The following CHDH variants were observed in gnomAD, a reference collection of about 807,000 sequenced individuals.
CHDH encodes the protein choline dehydrogenase, mitochondrial.
In CHDH, 43 loss-of-function variants were observed where a neutral mutation model predicts 56.9. That is an observed-to-expected ratio of 0.76 (90% CI 0.59 to 0.97). CHDH has a LOEUF of 0.97. Among genes scored for constraint, CHDH ranks in the 50% least tolerant of loss-of-function variants. CHDH has a pLI of 0.00. For missense variants in CHDH, 816 were observed against 821.1 expected (o/e 0.99, Z 0.08); for synonymous variants, 364 against 348.5 (o/e 1.04, Z -0.50).
At chr3:53,821,866 A>T in intron 4 of CHDH, 90 bp from the exon 5 acceptor site, 1 of 1,523,574 alleles carries the variant, frequency 6.6e-7, no homozygotes, top group South Asian at 1.2e-5. Flanking sequence ...GCACCATGAG[A>T]ACACAGCCTT....
chr3:53,833,570 G>A (rs906166488), intron 2 of CHDH, among the ~76,000 whole-genome samples: 10 of 152,192 alleles, frequency 6.6e-5, no homozygotes, highest in African/African-American at 2.4e-4. Flanking sequence ...GGCAGGAATG[G>A]GAGCAGGGAA....
At chr3:53,843,274 G>A (rs916770116) in intron 1 of CHDH, among the ~76,000 whole-genome samples, 2 of 143,568 alleles carry the variant, frequency 1.4e-5, no homozygotes, top group Admixed American at 1.5e-4. Context: ...CCTATCTGCT[G>A]TTTTGCTGTT....
chr3:53,838,236 G>A (rs7643016), intron 2 of CHDH, among the ~76,000 whole-genome samples: 8,916 of 152,158 alleles, frequency 0.059, 885 homozygotes, highest in African/African-American at 0.2. Context: ...CAGGTGCTGC[G>A]GGCGCCCAGC....
intron 2 of CHDH, among the ~76,000 whole-genome samples, chr3:53,825,601 G>A (rs2095637624): frequency 6.6e-6 from 1 of 152,142 alleles, no homozygotes; most frequent in Admixed American, 6.5e-5. Flanking sequence ...GTCTGAGGGG[G>A]AAATAGTGGG....
intron 2 of CHDH, among the ~76,000 whole-genome samples, chr3:53,837,058 G>A (rs1321705229): frequency 6.6e-6 from 1 of 152,150 alleles, no homozygotes; most frequent in Non-Finnish European, 1.5e-5. Context: ...GCCAGGCACG[G>A]TGGTGTGTAC....
chr3:53,838,368 G>T (rs974576982), intron 2 of CHDH, among the ~76,000 whole-genome samples: 1 of 152,132 alleles, frequency 6.6e-6, no homozygotes, highest in Non-Finnish European at 1.5e-5. Flanking sequence ...CCTCAGGCTG[G>T]CCCCTGAGGA....
chr3:53,830,593 T>G (rs1401236867), intron 2 of CHDH, among the ~76,000 whole-genome samples: 1 of 152,108 alleles, frequency 6.6e-6, no homozygotes, highest in Non-Finnish European at 1.5e-5. Flanking sequence ...GGACAGAAGC[T>G]AGACAGAAGA....
At chr3:53,832,836 CA>C (rs1035242071) in intron 2 of CHDH, among the ~76,000 whole-genome samples, 2 of 151,426 alleles carry the variant, frequency 1.3e-5, no homozygotes, top group Non-Finnish European at 2.9e-5. Flanking sequence ...TGAGGTGATG[CA>C]AAAAAAATTG....
At chr3:53,827,285 T>C (rs2095640741) in intron 2 of CHDH, among the ~76,000 whole-genome samples, 1 of 152,118 alleles carries the variant, frequency 6.6e-6, no homozygotes, top group African/African-American at 2.4e-5. Context: ...CTCTCTCTCT[T>C]CCTACTGCTC....
In CHDH at chr3:53,822,512, G is replaced by GA; in HGVS notation, c.833dup (p.Lys279GlnfsTer36). On this transcript the variant is annotated frameshift_variant, in exon 4 of 9. Transcript: ENST00000315251. LOFTEE classifies it high-confidence loss of function. ...TCACCCTGTGGCTCTGGCCATTCTTGACATACTCCACGCCCACTGCACGGG... is the reference window on the plus strand; with the variant it reads ...TCACCCTGTGGCTCTGGCCATTCTTGAACATACTCCACGCCCACTGCACGGG... The GA allele has an allele frequency of 6.2e-7, 1 of 1,612,880 alleles. No homozygotes were observed. Among genetic ancestry groups the GA allele is most frequent in the Non-Finnish European group, 8.5e-7 (1 of 1,179,356 alleles).
intron 2 of CHDH, among the ~76,000 whole-genome samples, chr3:53,825,170 A>G (rs2095636699): frequency 2.0e-5 from 3 of 152,248 alleles, no homozygotes; most frequent in Non-Finnish European, 4.4e-5. Flanking sequence ...GTCCTTTGCT[A>G]GGTATACTGT....
intron 2 of CHDH, among the ~76,000 whole-genome samples, chr3:53,826,084 C>T (rs1477485235): frequency 6.6e-6 from 1 of 151,924 alleles, no homozygotes; most frequent in East Asian, 1.9e-4. Flanking sequence ...AGCAGAAAGA[C>T]ACTCCAGATA....
intron 4 of CHDH, among the ~76,000 whole-genome samples, 195 bp downstream of exon 4, chr3:53,822,296 T>G (rs1485322107): frequency 6.6e-6 from 1 of 151,920 alleles, no homozygotes; most frequent in Non-Finnish European, 1.5e-5. Context: ...CCATAGGCCC[T>G]TTCTCGGTGG....
chr3:53,823,486 G>C lies in CHDH; in HGVS notation c.523C>G (p.Leu175Val). 1 of 1,545,452 alleles carries C rather than the reference G, an allele frequency of 6.5e-7. No homozygotes were observed. Among genetic ancestry groups the C allele is most frequent in the Non-Finnish European group, 8.7e-7 (1 of 1,146,420 alleles). Residue 175 changes from leucine (L) to valine (V), a missense_variant, in exon 3 of 9, where the codon CTG (leucine) becomes GTG (valine). Transcript: ENST00000315251. The part of the protein sequence containing the change: ...PYFRKAQGHE[L>V]GASRYRGADG... ...GCGCCCCGGTACCGGCTGGCGCCCAGCTCGTGGCCCTGCGCCTTGCGGAAG... is the reference window on the plus strand; with the variant it reads ...GCGCCCCGGTACCGGCTGGCGCCCACCTCGTGGCCCTGCGCCTTGCGGAAG...
rs768114677 is a variant in CHDH at position 53,818,974 on chromosome 3, C to T, written c.1330G>A (p.Asp444Asn). 1.9e-6 allele frequency: 3 copies of T among 1,613,868 alleles called. No individual in the cohort carries two copies. Among genetic ancestry groups the T allele is most frequent in the Admixed American group, 3.3e-5 (2 of 60,004 alleles). The change falls in exon 8 of 9, where the codon GAC (aspartate) becomes AAC (asparagine). Residue 444 changes from aspartate (D) to asparagine (N), a missense_variant. Transcript: ENST00000315251. ...TAGTTGGGCTGGATCACAGGGTGGT[C>T]TTGGGGATTGGCACTTCTCAGTTTG... ...WLKLRSANPQ[D>N]HPVIQPNYLS...
rs2095614452 is a variant in CHDH, at chr3:53,815,648, C to T, written c.*2129G>A. On this transcript the variant is annotated 3_prime_UTR_variant, in exon 9 of 9. Transcript: ENST00000315251. ...AAATACAGCCACCAGACTGAACCCA[C>T]CATGGTCTCAGACACTGACACACCC... The T allele has an allele frequency of 6.6e-6, 1 of 152,238 alleles. No individual in the cohort carries two copies. Among genetic ancestry groups the T allele is most frequent in the South Asian group, 2.1e-4 (1 of 4,828 alleles). The allele number at this position is 152,238 out of a possible 1,614,324, so 9.4% of individuals were successfully genotyped here.
Position 53,819,970 on chromosome 3 carries a change from CA to C in CHDH, c.1121-297del, listed in dbSNP as rs1353678757. Among the ~76,000 whole-genome samples, 1 of 152,254 alleles carries C rather than the reference CA, an allele frequency of 6.6e-6. No homozygotes were observed. Among genetic ancestry groups the C allele is most frequent in the African/African-American group, 2.4e-5 (1 of 41,468 alleles). ...CTTACCGGCTCTTCCCACTACCTAG[CA>C]CAGCACACAGCACATACTAGGTGTG... On this transcript the variant is annotated intron_variant, in intron 6 of 8. Transcript: ENST00000315251. This position sits in a 1 kb window ranked among gnomAD's most constrained non-coding sequence, Gnocchi z 5.4.
At chr3:53,825,067 A>G (rs2106965700) in intron 2 of CHDH, among the ~76,000 whole-genome samples, 1 of 152,312 alleles carries the variant, frequency 6.6e-6, no homozygotes, top group East Asian at 1.9e-4. Context: ...CTGCTGGAAC[A>G]CTGAGAAGAA....
intron 2 of CHDH, among the ~76,000 whole-genome samples, chr3:53,829,860 A>G (rs1038929232): frequency 1.3e-5 from 2 of 152,226 alleles, no homozygotes; most frequent in Non-Finnish European, 2.9e-5. Flanking sequence ...CCATTATGTG[A>G]GCAATAAACC....
Sources: allele counts gnomAD v4.1 joint callset (sites outside exome capture counted in the v4.1 genomes callset), GRCh38; gene constraint gnomAD v4.1.1; non-coding constraint Gnocchi (gnomAD v3.1); transcripts MANE v1.5; gene names NCBI Gene and HGNC (gene_info 2026-07-23, HGNC 2026-07-21).